FLII: variants seen among roughly 807,000 people sequenced by gnomAD.
The protein encoded by FLII is protein flightless-1 homolog.
A neutral mutation model predicts 156.2 loss-of-function variants in FLII; 101 were observed. That is an observed-to-expected ratio of 0.65 (90% CI 0.55 to 0.76). The LOEUF is 0.76. Ranked by LOEUF, FLII falls within the 30% of genes least tolerant of loss-of-function variation. The pLI, the probability that FLII is intolerant of heterozygous loss-of-function variation, is 0.00. For missense variants in FLII, 1,675 were observed against 1,682.8 expected (o/e 1.00, Z 0.08); for synonymous variants, 767 against 685.8 (o/e 1.12, Z -1.85).
chr17:18,254,370 G>A, intron 6 of FLII, 151 bp downstream of exon 6: 2 of 841,434 alleles, frequency 2.4e-6, no homozygotes. Context: ...AGGTGGACAT[G>A]ATACTTAGGA....
chr17:18,250,109 A>T (rs773948587), intron 14 of FLII, among the ~76,000 whole-genome samples: 13 of 152,250 alleles, frequency 8.5e-5, no homozygotes, highest in Non-Finnish European at 1.8e-4. Flanking sequence ...CAACAAAGCG[A>T]GAGTCTGTCT....
intron 26 of FLII, 21 bp downstream of exon 26, chr17:18,245,913 C>T (rs2048030037): frequency 1.2e-6 from 2 of 1,611,690 alleles, no homozygotes; most frequent in East Asian, 2.3e-5. Context: ...TGTGTGCCCG[C>T]CTGCCCGCCC....
chr17:18,258,621 G>T lies in FLII; in HGVS notation c.63+7C>A. The T allele has an allele frequency of 6.4e-7, 1 of 1,556,830 alleles. No homozygotes were observed. The highest frequency in any genetic ancestry group is 8.6e-7 in the Non-Finnish European group (1 of 1,161,268). On this transcript the variant is annotated splice_region_variant and intron_variant, in intron 1 of 29. Coordinates refer to ENST00000327031, the MANE Select transcript of FLII (RefSeq NM_002018.4). The surrounding 1 kb of genome is among the most constrained non-coding windows in gnomAD (Gnocchi z 4.2). ...GGGAGGCCCGGCACGCGCCCGGCCCGGCTCACCTTGAAGTCGTTGCCGCTG... is the reference window on the plus strand; with the variant it reads ...GGGAGGCCCGGCACGCGCCCGGCCCTGCTCACCTTGAAGTCGTTGCCGCTG...
intron 15 of FLII, 28 bp downstream of exon 15, chr17:18,249,298 A>T: frequency 1.2e-6 from 2 of 1,610,642 alleles, no homozygotes; most frequent in East Asian, 4.5e-5. Context: ...CTCCAGGTCC[A>T]TACCCCCCAC....
At chr17:18,251,862 C>T (rs769368404) in intron 11 of FLII, 46 bp from the exon 12 acceptor site, 17 of 1,611,156 alleles carry the variant, frequency 1.1e-5, no homozygotes. Flanking sequence ...GCCTGCTGCC[C>T]CCTTGGGCAT....
In FLII at chr17:18,245,986, T is replaced by C. The variant is rs368339121; in HGVS notation, c.3344A>G (p.Lys1115Arg). Reference sequence around the variant, plus strand: ...GGTGTTCAGGATGTCTTCTGCCAACTTGGCTTCGTCAGGGTCTGATGCCCG... The same window carrying C: ...GGTGTTCAGGATGTCTTCTGCCAACCTGGCTTCGTCAGGGTCTGATGCCCG... ...VGRASDPDEA[K>R]LAEDILNTMF... Residue 1115 changes from lysine to arginine, a missense_variant, in exon 26 of 30, where the codon AAG becomes AGG. Transcript: ENST00000327031. The C allele has an allele frequency of 6.2e-6, 10 of 1,613,994 alleles. No homozygotes were observed. The highest frequency in any genetic ancestry group is 1.6e-4 in the Middle Eastern group (1 of 6,084).
At chr17:18,250,375 T>C (rs1409748016) in intron 14 of FLII, among the ~76,000 whole-genome samples, 1 of 152,138 alleles carries the variant, frequency 6.6e-6, no homozygotes, top group East Asian at 1.9e-4. Flanking sequence ...TGTCTAGGTG[T>C]AACCAGCTGG....
In FLII at chr17:18,258,549, G is replaced by A; in HGVS notation, c.63+79C>T. The A allele has an allele frequency of 1.3e-6, 2 of 1,520,342 alleles. No homozygotes were observed. The highest frequency in any genetic ancestry group is 1.8e-6 in the Non-Finnish European group (2 of 1,141,002). The allele number at this position is 1,520,342 out of a possible 1,614,324, so 94.2% of individuals were successfully genotyped here. On this transcript the variant is annotated intron_variant, in intron 1 of 29. Coordinates refer to ENST00000327031, the MANE Select transcript of FLII (RefSeq NM_002018.4). This position sits in a 1 kb window ranked among gnomAD's most constrained non-coding sequence, Gnocchi z 4.2. ...ACACGCAGGGCCTGGAGCCGAGCGG[G>A]ACAGGAAGCGGAGGCCAAGCGGGCC...
In FLII at chr17:18,246,935, C is replaced by T. The variant is rs746095150; in HGVS notation, c.2794G>A (p.Asp932Asn). Residue 932 changes from aspartate to asparagine, a missense_variant, in exon 22 of 30, where the codon GAC becomes AAC. Transcript: ENST00000327031. ...EEEFGHFYTQ[D>N]CYVFLCRYWV... ...TACCTGCAGAGGAAGACGTAGCAGT[C>T]CTGCGTGTAGAAGTGGCCAAACTCC... 2.4e-5 allele frequency: 39 copies of T among 1,614,078 alleles called. No homozygotes were observed. In the East Asian group the frequency reaches 6.0e-4, roughly 25 times the overall value.
Position 18,258,129 on chromosome 17 carries a change from G to C in FLII, c.63+499C>G, listed in dbSNP as rs1223242101. 6.6e-6 allele frequency among the ~76,000 whole-genome samples: 1 copy of C among 152,258 alleles called. No homozygotes were observed. Among genetic ancestry groups the C allele is most frequent in the African/African-American group, 2.4e-5 (1 of 41,474 alleles). On this transcript the variant is annotated intron_variant, in intron 1 of 29. Transcript: ENST00000327031. This position sits in a 1 kb window ranked among gnomAD's most constrained non-coding sequence, Gnocchi z 4.2. Reference sequence around the variant, plus strand: ...AGACTTTTAAGCCCCTTCACCGGCTGAGAAAGCCTAGGCTCTGAGAGGGGA... The same window carrying C: ...AGACTTTTAAGCCCCTTCACCGGCTCAGAAAGCCTAGGCTCTGAGAGGGGA...
Sources: allele counts gnomAD v4.1 joint callset (sites outside exome capture counted in the v4.1 genomes callset), GRCh38; gene constraint gnomAD v4.1.1; non-coding constraint Gnocchi (gnomAD v3.1); transcripts MANE v1.5; gene names NCBI Gene and HGNC (gene_info 2026-07-23, HGNC 2026-07-21).